Variants in GPAM observed in about 807,000 individuals in gnomAD.
GPAM encodes glycerol-3-phosphate acyltransferase, mitochondrial.
A neutral mutation model predicts 105.0 loss-of-function variants in GPAM; 56 were observed. The ratio of observed to expected loss-of-function variants is 0.53; its 90% confidence interval spans 0.43 to 0.67. The LOEUF (loss-of-function observed/expected upper bound fraction) is 0.67. Among genes scored for constraint, GPAM ranks in the 30% least tolerant of loss-of-function variants. The pLI, the probability that GPAM is intolerant of heterozygous loss-of-function variation, is 0.00. For missense variants in GPAM, 855 were observed against 989.8 expected (o/e 0.86, Z 1.83); for synonymous variants, 368 against 354.4 (o/e 1.04, Z -0.43).
intron 1 of GPAM, among the ~76,000 whole-genome samples, chr10:112,195,757 A>G (rs751632880): frequency 1.3e-5 from 2 of 152,238 alleles, no homozygotes; most frequent in Non-Finnish European, 2.9e-5. Context: ...TGAATGTCTA[A>G]GTACAAGACA....
chr10:112,194,299 T>C (rs947616275), intron 1 of GPAM, among the ~76,000 whole-genome samples: 2 of 152,226 alleles, frequency 1.3e-5, no homozygotes, highest in African/African-American at 4.8e-5. Flanking sequence ...ACCACATTTA[T>C]GACACTTCTG....
At chr10:112,166,334 AG>A in intron 12 of GPAM, 67 bp downstream of exon 12, 2 of 831,910 alleles carry the variant, frequency 2.4e-6, no homozygotes, top group Non-Finnish European at 4.3e-6. Flanking sequence ...TGCTGTTAAG[AG>A]TCAGCACTGG....
chr10:112,208,648 A>G (rs1309892239), intron 1 of GPAM, among the ~76,000 whole-genome samples: 1 of 152,202 alleles, frequency 6.6e-6, no homozygotes, highest in African/African-American at 2.4e-5. Flanking sequence ...AGCCTCGGTG[A>G]CAAGCAGCTT....
intron 19 of GPAM, chr10:112,156,381 C>G (rs1280724826): frequency 2.9e-6 from 1 of 348,522 alleles, no homozygotes; most frequent in African/African-American, 2.1e-5. Flanking sequence ...CTCCTAAGAC[C>G]AGGCCCTCCA....
At chr10:112,195,218 C>T (rs1457516459) in intron 1 of GPAM, among the ~76,000 whole-genome samples, 1 of 152,168 alleles carries the variant, frequency 6.6e-6, no homozygotes, top group Admixed American at 6.6e-5. Context: ...ATGCCAAATA[C>T]CCCCATCGCT....
intron 17 of GPAM, among the ~76,000 whole-genome samples, 161 bp from the exon 18 acceptor site, chr10:112,158,554 C>T (rs1847060456): frequency 6.6e-6 from 1 of 152,142 alleles, no homozygotes; most frequent in African/African-American, 2.4e-5. Flanking sequence ...TGTCTTGATA[C>T]ACACACGGTC....
intron 6 of GPAM, among the ~76,000 whole-genome samples, chr10:112,175,176 A>G (rs1037764622): frequency 1.3e-5 from 2 of 152,306 alleles, no homozygotes; most frequent in East Asian, 1.9e-4. Flanking sequence ...GATTTCTAGC[A>G]ATGACTTTCC....
Position 112,163,577 on chromosome 10 carries a change from C to T in GPAM, c.1423+124G>A, listed in dbSNP as rs111992466. 1.1e-3 allele frequency: 758 copies of T among 685,718 alleles called. 5 individuals are homozygous for T. The African/African-American group carries it at 0.011, about 10-fold the overall frequency. 42.5% of individuals were successfully genotyped at this position (685,718 alleles called of 1,614,324 possible). On this transcript the variant is annotated intron_variant, in intron 14 of 21. Transcript: ENST00000348367. ...TATCACCTTCTTTCTAATAACTTAC[C>T]TATCACCACCTGTGAATTAATAGAA...
intron 1 of GPAM, among the ~76,000 whole-genome samples, chr10:112,183,307 G>C (rs2133271904): frequency 6.6e-6 from 1 of 152,358 alleles, no homozygotes; most frequent in African/African-American, 2.4e-5. Context: ...TCCAATCAAT[G>C]GTAACGCTGT....
intron 1 of GPAM, among the ~76,000 whole-genome samples, chr10:112,211,871 T>C (rs759559640): frequency 1.3e-5 from 2 of 152,232 alleles, no homozygotes; most frequent in African/African-American, 2.4e-5. Flanking sequence ...CCTTAGGCTG[T>C]CTGCTTTTCT....
intron 1 of GPAM, among the ~76,000 whole-genome samples, chr10:112,207,781 A>G (rs1847867707): frequency 6.6e-6 from 1 of 152,156 alleles, no homozygotes. Flanking sequence ...CACGCTCAAG[A>G]TATATCTTTG....
intron 1 of GPAM, among the ~76,000 whole-genome samples, chr10:112,189,583 A>G (rs564822328): frequency 6.6e-6 from 1 of 152,288 alleles, no homozygotes; most frequent in African/African-American, 2.4e-5. Context: ...AAAAGAATGA[A>G]TCAAGGTATC....
chr10:112,168,543 G>A lies in GPAM; in HGVS notation c.895-19C>T. The A allele has an allele frequency of 6.7e-7, 1 of 1,486,932 alleles. No individual in the cohort carries two copies. Among genetic ancestry groups the A allele is most frequent in the Non-Finnish European group, 9.4e-7 (1 of 1,063,916 alleles). The allele number at this position is 1,486,932 out of a possible 1,614,324, so 92.1% of individuals were successfully genotyped here. ...CTATATGCTGGGATATAAGAAGAAA[G>A]TAAAACATACATTCAAGACCACTCA... On this transcript the variant is annotated intron_variant, in intron 10 of 21. Transcript: ENST00000348367.
Position 112,180,574 on chromosome 10 carries a change from T to C in GPAM, c.124A>G (p.Thr42Ala), listed in dbSNP as rs1347714540. The change falls in exon 4 of 22, where the codon ACC becomes GCC. Residue 42 changes from threonine to alanine, a missense_variant. Coordinates refer to ENST00000348367, the MANE Select transcript of GPAM (RefSeq NM_001244949.2). ...TTTAAAGTTGCAGATCTGAAGATGG[T>C]GGGTCTAAAGCCACACTCACCCTGA... ...EEWGECGFRP[T>A]IFRSATLKWK... The C allele has an allele frequency of 6.2e-7, 1 of 1,610,614 alleles. No homozygotes were observed. The highest frequency in any genetic ancestry group is 8.5e-7 in the Non-Finnish European group (1 of 1,176,840).
upstream of GPAM, among the ~76,000 whole-genome samples, chr10:112,216,740 C>T (rs1334563357): frequency 6.6e-6 from 1 of 152,048 alleles, no homozygotes; most frequent in African/African-American, 2.4e-5. Context: ...TCTCGTGCCT[C>T]AGCCTCCCAA....
chr10:112,219,818 A>G (rs561731513), upstream of GPAM, among the ~76,000 whole-genome samples: 1 of 152,312 alleles, frequency 6.6e-6, no homozygotes, highest in African/African-American at 2.4e-5. Context: ...GCCCTTAATC[A>G]TTCCTGGGGT....
intron 11 of GPAM, among the ~76,000 whole-genome samples, chr10:112,167,587 C>T (rs1001116040): frequency 6.6e-6 from 1 of 152,208 alleles, no homozygotes; most frequent in Admixed American, 6.6e-5. Flanking sequence ...CAAACACCTG[C>T]TTAAGCAAAG....
chr10:112,164,077 A>G (rs1192718400), intron 13 of GPAM, among the ~76,000 whole-genome samples: 1 of 152,212 alleles, frequency 6.6e-6, no homozygotes, highest in Non-Finnish European at 1.5e-5. Context: ...ATAATTCAAG[A>G]TGCCTTATTT....
chr10:112,219,386 G>A (rs192801442), upstream of GPAM, among the ~76,000 whole-genome samples: 60 of 152,312 alleles, frequency 3.9e-4, no homozygotes, highest in African/African-American at 1.4e-3. Flanking sequence ...TGACGGAAAG[G>A]ACAGCAGGGA....
Sources: allele counts gnomAD v4.1 joint callset (sites outside exome capture counted in the v4.1 genomes callset), GRCh38; gene constraint gnomAD v4.1.1; transcripts MANE v1.5; gene names NCBI Gene and HGNC (gene_info 2026-07-23, HGNC 2026-07-21).